Variants in MYO7B observed in about 807,000 individuals in gnomAD.
The protein encoded by MYO7B is myosin VIIB, also known as unconventional myosin-VIIb.
MYO7B carries 212 observed loss-of-function variants against 259.7 expected under a neutral mutation model. The observed-to-expected ratio is 0.82, with a 90% CI of 0.73 to 0.91. The LOEUF is 0.91. Among genes scored for constraint, MYO7B ranks in the 40% least tolerant of loss-of-function variants. MYO7B has a pLI of 0.00. For missense variants in MYO7B, 2,732 were observed against 2,813.5 expected, an observed-to-expected ratio of 0.97 and a Z score of 0.66; for synonymous variants, 1,197 against 1,166.4, an observed-to-expected ratio of 1.03 and a Z score of -0.54.
chr2:127,542,499 G>A (rs1485715126), intron 1 of MYO7B, among the ~76,000 whole-genome samples: 1 of 152,186 alleles, frequency 6.6e-6, no homozygotes, highest in Non-Finnish European at 1.5e-5. Flanking sequence ...TGTCTGGGCG[G>A]GGATGGAAGC....
intron 1 of MYO7B, among the ~76,000 whole-genome samples, chr2:127,551,397 A>G (rs1693438301): frequency 6.6e-6 from 1 of 152,168 alleles, no homozygotes; most frequent in South Asian, 2.1e-4. Context: ...TTCTCACAAC[A>G]CGGGCCTCTC....
At chr2:127,544,871 C>T (rs967819721) in intron 1 of MYO7B, among the ~76,000 whole-genome samples, 12 of 151,304 alleles carry the variant, frequency 7.9e-5, no homozygotes, top group African/African-American at 2.9e-4. Flanking sequence ...TGAGACACCG[C>T]GCCCGGCCAC....
chr2:127,580,829 G>T lies in MYO7B; in HGVS notation c.1080+7G>T. ...CGTGATGAAGTTACTGGAGGTAGGG[G>T]TGCTGTGCCCACAGCTTCCATTTTG... On this transcript the variant is annotated splice_region_variant and intron_variant, in intron 10 of 47. Transcript: ENST00000409816. 1.2e-6 allele frequency: 2 copies of T among 1,611,538 alleles called. No individual in the cohort carries two copies. Among genetic ancestry groups the T allele is most frequent in the South Asian group, 1.1e-5 (1 of 90,400 alleles).
chr2:127,582,904 T>C (rs749045922), intron 12 of MYO7B, among the ~76,000 whole-genome samples: 7 of 152,192 alleles, frequency 4.6e-5, no homozygotes, highest in Admixed American at 1.3e-4. Flanking sequence ...CACCCCAGAC[T>C]AGAAGCTGGA....
chr2:127,627,373 CG>C lies in MYO7B; in HGVS notation c.4460+67del, dbSNP rs752835979. The C allele has an allele frequency of 9.5e-5, 73 of 770,264 alleles. 1 individual carries two copies. The African/African-American group carries it at 1.5e-3, about 16-fold the overall frequency. 47.7% of individuals were successfully genotyped at this position (770,264 alleles called of 1,614,324 possible). ...AGTCCTTGTGATGCATCTGGGGGCT[CG>C]GGGAGAGATGGGGAGAGGGGCAGTG... On this transcript the variant is annotated intron_variant, in intron 33 of 47. Coordinates refer to ENST00000409816, the MANE Select transcript of MYO7B (RefSeq NM_001393586.1). This position sits in a 1 kb window ranked among gnomAD's most constrained non-coding sequence, Gnocchi z 5.6.
chr2:127,630,752 C>T lies in MYO7B; in HGVS notation c.4807-26C>T, dbSNP rs1312026689. ...GGCCTCATGGGCGGTGGCTCCTGGGCACCCACAGGCCTGTGCCCCCTTCAG... is the reference window on the plus strand; with the variant it reads ...GGCCTCATGGGCGGTGGCTCCTGGGTACCCACAGGCCTGTGCCCCCTTCAG... On this transcript the variant is annotated intron_variant, in intron 35 of 47. Transcript: ENST00000409816. 6.8e-6 allele frequency: 11 copies of T among 1,609,534 alleles called. No homozygotes were observed. In the South Asian group the frequency reaches 1.1e-4, roughly 16 times the overall value.
Position 127,632,245 on chromosome 2 carries a change from G to C in MYO7B, c.5250-1G>C, listed in dbSNP as rs767994872. ...CCCGGCTGACAAGTGCTACCCTTCA[G>C]GCACAGCGAAGAGCGGGGCTGGCAG... On this transcript the variant is annotated splice_acceptor_variant, in intron 38 of 47. Coordinates refer to ENST00000409816, the MANE Select transcript of MYO7B (RefSeq NM_001393586.1). LOFTEE classifies it high-confidence loss of function. 6.2e-7 allele frequency: 1 copy of C among 1,611,534 alleles called. No homozygotes were observed. The highest frequency in any genetic ancestry group is 1.3e-5 in the African/African-American group (1 of 75,038).
chr2:127,588,652 C>G (rs1357474677), intron 15 of MYO7B, 97 bp downstream of exon 15: 2 of 1,469,074 alleles, frequency 1.4e-6, no homozygotes, highest in Non-Finnish European at 1.9e-6. Flanking sequence ...CCTCTGGGTC[C>G]ACAGCATGCA....
intron 10 of MYO7B, among the ~76,000 whole-genome samples, chr2:127,581,613 C>A (rs1238374047): frequency 6.6e-6 from 1 of 152,168 alleles, no homozygotes; most frequent in Non-Finnish European, 1.5e-5. Context: ...TGAGGTCTGG[C>A]CTCAGATCCC....
intron 7 of MYO7B, among the ~76,000 whole-genome samples, chr2:127,575,175 T>C (rs1428258166): frequency 6.6e-6 from 1 of 152,198 alleles, no homozygotes; most frequent in African/African-American, 2.4e-5. Flanking sequence ...TCCTGTTTTA[T>C]CTCATTTGAC....
Position 127,559,586 on chromosome 2 carries a change from G to T in MYO7B, c.-23-114G>T. 1.1e-6 allele frequency: 1 copy of T among 921,500 alleles called. No individual in the cohort carries two copies. The allele number at this position is 921,500 out of a possible 1,614,324, so 57.1% of individuals were successfully genotyped here. ...TTATTCAGCATTGTTTTTGAGCCAGGTCCCATGCCGGGCACTTAGGGAAGT... is the reference window on the plus strand; with the variant it reads ...TTATTCAGCATTGTTTTTGAGCCAGTTCCCATGCCGGGCACTTAGGGAAGT... On this transcript the variant is annotated intron_variant, in intron 1 of 47. Transcript: ENST00000409816. This position sits in a 1 kb window ranked among gnomAD's most constrained non-coding sequence, Gnocchi z 4.1.
At position 127,559,858 on chromosome 2, in the gene MYO7B, C is replaced by G; in HGVS notation, c.18+118C>G. ...AGACCCTATAGGAAAATACCAGAGA[C>G]AGGGGAGTTTAGGAAACACGACAGA... On this transcript the variant is annotated intron_variant, in intron 2 of 47. Transcript: ENST00000409816. The surrounding 1 kb of genome is among the most constrained non-coding windows in gnomAD (Gnocchi z 4.1). 8.1e-7 allele frequency: 1 copy of G among 1,233,474 alleles called. No individual in the cohort carries two copies. The highest frequency in any genetic ancestry group is 1.2e-6 in the Non-Finnish European group (1 of 837,630). 76.4% of individuals were successfully genotyped at this position (1,233,474 alleles called of 1,614,324 possible).
In MYO7B at chr2:127,559,315, G is replaced by T. The variant is rs543237606; in HGVS notation, c.-23-385G>T. Among the ~76,000 whole-genome samples, 1 of 152,314 alleles carries T rather than the reference G, an allele frequency of 6.6e-6. No individual in the cohort carries two copies. Among genetic ancestry groups the T allele is most frequent in the African/African-American group, 2.4e-5 (1 of 41,564 alleles). On this transcript the variant is annotated intron_variant, in intron 1 of 47. Transcript: ENST00000409816. This position sits in a 1 kb window ranked among gnomAD's most constrained non-coding sequence, Gnocchi z 4.1. ...CACGCACATTCTGCAGTGCTGTGAG[G>T]CTTAAAGTTGTGTCTATAGCTCCAG...
At chr2:127,596,401 C>T (rs566258314) in intron 18 of MYO7B, 61 bp from the exon 19 acceptor site, 42 of 1,376,644 alleles carry the variant, frequency 3.1e-5, no homozygotes, top group Non-Finnish European at 3.9e-5. Context: ...GAGCCCTGGC[C>T]CCAGGCAGGG....
At chr2:127,630,726 G>T in intron 35 of MYO7B, 52 bp from the exon 36 acceptor site, 1 of 1,602,168 alleles carries the variant, frequency 6.2e-7, no homozygotes, top group Non-Finnish European at 8.5e-7. Flanking sequence ...CCTGCAGGAA[G>T]GGCCTCATGG....
At chr2:127,581,621 C>T (rs976256993) in intron 10 of MYO7B, among the ~76,000 whole-genome samples, 2 of 152,130 alleles carry the variant, frequency 1.3e-5, no homozygotes, top group African/African-American at 4.8e-5. Context: ...GGCCTCAGAT[C>T]CCTCCCTCAC....
chr2:127,628,108 C>T lies in MYO7B; in HGVS notation c.4461-264C>T. On this transcript the variant is annotated intron_variant, in intron 33 of 47. Transcript: ENST00000409816. This position sits in a 1 kb window ranked among gnomAD's most constrained non-coding sequence, Gnocchi z 4.8. ...CCTTTGCAGTGTCCCTGCGGTGTCA[C>T]TGCACACCAGCCACCTCATTATCTG... 1 of 639,340 alleles carries T rather than the reference C, an allele frequency of 1.6e-6. No individual in the cohort carries two copies. Among genetic ancestry groups the T allele is most frequent in the Non-Finnish European group, 2.9e-6 (1 of 344,864 alleles). The allele number at this position is 639,340 out of a possible 1,614,324, so 39.6% of individuals were successfully genotyped here. A position where few individuals can be genotyped will look rare whatever the true frequency, so the allele number is the denominator to read the frequency against.
At position 127,618,357 on chromosome 2, in the gene MYO7B, GCCCCCA is replaced by G. The variant is rs1479748374; in HGVS notation, c.3399-1978_3399-1973del. On this transcript the variant is annotated intron_variant, in intron 26 of 47. Transcript: ENST00000409816. ...TCCCTACTCCTAGTAAGCAAAGACAGCCCCCACCCCAAGCTTCTTCAGCCCTTAGTA... is the reference window on the plus strand; with the variant it reads ...TCCCTACTCCTAGTAAGCAAAGACAGCCCCAAGCTTCTTCAGCCCTTAGTA... Among the ~76,000 whole-genome samples the G allele has an allele frequency of 2.0e-5, 3 of 152,308 alleles. No homozygotes were observed. The East Asian group carries it at 5.8e-4, about 29-fold the overall frequency.
chr2:127,605,899 G>A lies in MYO7B; in HGVS notation c.2395G>A (p.Gly799Ser), dbSNP rs778100763. The A allele has an allele frequency of 6.6e-5, 107 of 1,613,794 alleles. No individual in the cohort carries two copies. In the East Asian group the frequency reaches 1.8e-3, roughly 27 times the overall value. The change falls in exon 20 of 48, where the codon GGC becomes AGC. Residue 799 changes from glycine (G) to serine (S), a missense_variant. Physicochemically the swap from Gly to Ser is moderately conservative, Grantham distance 56. This residue lies in a region of MYO7B where 1,906 missense variants were observed against 2,026.4 expected (regional missense o/e 0.94). Coordinates refer to ENST00000409816, the MANE Select transcript of MYO7B (RefSeq NM_001393586.1). ...TGTGACCCTGCAGGCCTGGTGGAGA[G>A]GCTACTGCAACAGGAGGAATTTCAA... ...AAVTLQAWWR[G>S]YCNRRNFKLI...
Sources: gnomAD v4.1 joint callset for allele counts (sites outside exome capture counted in the v4.1 genomes callset) on GRCh38, gnomAD v4.1.1 for gene constraint, gnomAD v4.1.1 regional missense constraint, Gnocchi (gnomAD v3.1) non-coding constraint, MANE v1.5 for transcripts, NCBI Gene and HGNC (gene_info 2026-07-23, HGNC 2026-07-21) for gene names.